DYRK1A: variants seen among roughly 807,000 people sequenced by gnomAD.
The protein encoded by DYRK1A is dual specificity tyrosine-phosphorylation-regulated kinase 1A.
Under a neutral mutation model 79.7 loss-of-function variants are expected in DYRK1A, and 9 were observed. The ratio of observed to expected loss-of-function variants is 0.11; its 90% CI spans 0.07 to 0.20. The LOEUF is 0.20. Ranked by LOEUF, DYRK1A falls within the 10% of genes least tolerant of loss-of-function variation. DYRK1A has a pLI of 1.00. For synonymous variants in DYRK1A, 349 were observed against 329.7 expected, an observed-to-expected ratio of 1.06 and a Z score of -0.63; for missense variants, 622 against 956.0, an observed-to-expected ratio of 0.65 and a Z score of 4.61.
chr21:37,421,453 T>TA (rs1465798684), intron 2 of DYRK1A, among the ~76,000 whole-genome samples: 1 of 152,178 alleles, frequency 6.6e-6, no homozygotes, highest in Non-Finnish European at 1.5e-5. Context: ...GAGTATATAA[T>TA]ACTTCACGTT....
chr21:37,407,137 A>G (rs558536023), intron 1 of DYRK1A, among the ~76,000 whole-genome samples: 1 of 152,114 alleles, frequency 6.6e-6, no homozygotes, highest in African/African-American at 2.4e-5. Flanking sequence ...GGTATCCCTA[A>G]TTCGAAGTGT....
chr21:37,378,251 G>T (rs1340434949), intron 1 of DYRK1A, among the ~76,000 whole-genome samples: 1 of 152,086 alleles, frequency 6.6e-6, no homozygotes, highest in Non-Finnish European at 1.5e-5. Flanking sequence ...ATTTCCTGGG[G>T]GCCAGGCATG....
chr21:37,483,265 A>G (rs1026664110), intron 5 of DYRK1A, among the ~76,000 whole-genome samples: 3 of 152,174 alleles, frequency 2.0e-5, no homozygotes, highest in Admixed American at 6.5e-5. Context: ...TTCACAATCC[A>G]TGTTCTTCTG....
At chr21:37,459,169 C>G (rs1206270966) in intron 2 of DYRK1A, among the ~76,000 whole-genome samples, 3 of 152,180 alleles carry the variant, frequency 2.0e-5, no homozygotes, top group Non-Finnish European at 4.4e-5. Flanking sequence ...TTGAAAGATC[C>G]TGGACTCTCA....
At chr21:37,496,428 A>G (rs767662835) in intron 9 of DYRK1A, among the ~76,000 whole-genome samples, 170 bp downstream of exon 9, 2 of 152,246 alleles carry the variant, frequency 1.3e-5, no homozygotes, top group Non-Finnish European at 2.9e-5. Context: ...GACCTGAACT[A>G]TCAGGTATGG....
At chr21:37,451,389 A>G (rs560171723) in intron 2 of DYRK1A, among the ~76,000 whole-genome samples, 129 of 24,454 alleles carry the variant, frequency 5.3e-3, no homozygotes, top group African/African-American at 0.015. Context: ...TCCCCCACCC[A>G]TTGCAACTTC....
chr21:37,425,067 A>C (rs1388494373), intron 2 of DYRK1A, among the ~76,000 whole-genome samples: 1 of 152,154 alleles, frequency 6.6e-6, no homozygotes, highest in Non-Finnish European at 1.5e-5. Flanking sequence ...CCCTTTTCCT[A>C]ATAGTTTGGA....
rs1421908921 is a variant in DYRK1A, at chr21:37,522,146, G to A, written c.*9615G>A. On this transcript the variant is annotated 3_prime_UTR_variant, in exon 12 of 12. Coordinates refer to ENST00000647188, the MANE Select transcript of DYRK1A (RefSeq NM_001347721.2). Reference sequence around the variant, plus strand: ...CTAGGATGGTTTTTAGATCTATCAAGGGATAGAAGATTGTCCAGCCCCTTG... The same window carrying A: ...CTAGGATGGTTTTTAGATCTATCAAAGGATAGAAGATTGTCCAGCCCCTTG... The A allele has an allele frequency of 6.6e-6, 1 of 152,172 alleles. No individual in the cohort carries two copies. Among genetic ancestry groups the A allele is most frequent in the African/African-American group, 2.4e-5 (1 of 41,426 alleles). The allele number at this position is 152,172 out of a possible 1,614,324, so 9.4% of individuals were successfully genotyped here.
At chr21:37,417,710 G>T (rs577165363) in intron 1 of DYRK1A, among the ~76,000 whole-genome samples, 3 of 150,814 alleles carry the variant, frequency 2.0e-5, no homozygotes, top group Middle Eastern at 3.2e-3. Context: ...CTGAAGATAC[G>T]CTGTAGATTA....
Position 37,457,013 on chromosome 21 carries a change from T to TTTACTTACTTACTTAC in DYRK1A, c.11-15659_11-15644dup, listed in dbSNP as rs149046084. Among the ~76,000 whole-genome samples, 123 of 141,274 alleles carry TTTACTTACTTACTTAC rather than the reference T, an allele frequency of 8.7e-4. 1 individual carries two copies. The highest frequency in any genetic ancestry group is 5.4e-3 in the South Asian group (23 of 4,294). The allele number at this position is 141,274 out of a possible 152,430, so 92.7% of individuals were successfully genotyped here. On this transcript the variant is annotated intron_variant, in intron 2 of 11. Coordinates refer to ENST00000647188, the MANE Select transcript of DYRK1A (RefSeq NM_001347721.2). ...ATTTGCTTGAGAGGTAAAAAGAAAA[T>TTTACTTACTTACTTAC]TTACTTACTTACTTACTTACTTACT... is the stretch of plus-strand genomic sequence containing the variant.
intron 1 of DYRK1A, among the ~76,000 whole-genome samples, chr21:37,368,337 A>G (rs1023780460): frequency 2.6e-5 from 4 of 152,198 alleles, no homozygotes; most frequent in Non-Finnish European, 5.9e-5. Flanking sequence ...TCACCAGTCT[A>G]TTTATAGGCA....
chr21:37,392,559 G>C (rs1301294943), intron 1 of DYRK1A, among the ~76,000 whole-genome samples: 1 of 152,208 alleles, frequency 6.6e-6, no homozygotes, highest in Non-Finnish European at 1.5e-5. Context: ...CCTGCTTTCT[G>C]CTTCATAGAT....
intron 2 of DYRK1A, among the ~76,000 whole-genome samples, chr21:37,471,904 A>G (rs889386447): frequency 2.0e-5 from 3 of 152,272 alleles, no homozygotes; most frequent in Non-Finnish European, 4.4e-5. Flanking sequence ...GGCTGAATTT[A>G]AGAAAAATCT....
At chr21:37,476,275 A>G (rs923900779) in intron 3 of DYRK1A, among the ~76,000 whole-genome samples, 5 of 152,188 alleles carry the variant, frequency 3.3e-5, no homozygotes, top group Non-Finnish European at 5.9e-5. Context: ...AATGGTATTT[A>G]TCTCCCTTGA....
intron 2 of DYRK1A, among the ~76,000 whole-genome samples, chr21:37,456,512 G>A (rs1220198882): frequency 6.6e-6 from 1 of 152,146 alleles, no homozygotes; most frequent in South Asian, 2.1e-4. Context: ...TGGAAAGAAC[G>A]TCCTCGAGCA....
At chr21:37,387,231 G>A (rs1602381627) in intron 1 of DYRK1A, among the ~76,000 whole-genome samples, 1 of 152,130 alleles carries the variant, frequency 6.6e-6, no homozygotes, top group Non-Finnish European at 1.5e-5. Context: ...ATTTAAGGTC[G>A]ATGCCTATTT....
intron 4 of DYRK1A, among the ~76,000 whole-genome samples, chr21:37,479,632 T>TTTTTTTTTTTTTTTTTTC (rs1601226532): frequency 7.8e-6 from 1 of 128,254 alleles, no homozygotes; most frequent in Non-Finnish European, 1.6e-5. Context: ...TTTTTTTTTT[T>TTTTTTTTTTTTTTTTTTC]TTTTGGAGAC....
At chr21:37,426,219 T>A (rs2050613689) in intron 2 of DYRK1A, among the ~76,000 whole-genome samples, 1 of 152,158 alleles carries the variant, frequency 6.6e-6, no homozygotes, top group African/African-American at 2.4e-5. Context: ...GGATCCTTCA[T>A]GAAAAGGGAA....
Position 37,496,222 on chromosome 21 carries a change from C to G in DYRK1A, c.1176C>G (p.Gly392=). 1 of 1,613,960 alleles carries G rather than the reference C, an allele frequency of 6.2e-7. No individual in the cohort carries two copies. The highest frequency in any genetic ancestry group is 1.1e-5 in the South Asian group (1 of 91,034). ...AGTTCTTTGAGAAGTTGCCAGATGG[C>G]ACTTGGAACTTAAAGAAGACCAAAG... ...ARKFFEKLPD[G]TWNLKKTKDG... is the part of the protein sequence containing the mutation. The change falls in exon 9 of 12, where the codon GGC becomes GGG. Residue 392 remains glycine, a synonymous_variant. Coordinates refer to ENST00000647188, the MANE Select transcript of DYRK1A (RefSeq NM_001347721.2).
Sources: gnomAD v4.1 joint callset for allele counts (sites outside exome capture counted in the v4.1 genomes callset) on GRCh38, gnomAD v4.1.1 for gene constraint, MANE v1.5 for transcripts, NCBI Gene and HGNC (gene_info 2026-07-23, HGNC 2026-07-21) for gene names.